The following TENM1 variants were observed in gnomAD, a reference collection of about 807,000 sequenced individuals.
TENM1 encodes the protein teneurin-1.
In TENM1, 35 loss-of-function variants were observed where a neutral mutation model predicts 174.8. The ratio of observed to expected loss-of-function variants is 0.20; its 90% CI spans 0.15 to 0.27. TENM1 has a LOEUF of 0.27. Ranked by LOEUF, TENM1 falls within the 10% of genes least tolerant of loss-of-function variation. The pLI is 1.00. For synonymous variants in TENM1, 781 were observed against 798.7 expected (o/e 0.98, Z 0.37); for missense variants, 1,633 against 2,130.1 (o/e 0.77, Z 4.59).
At chrX:124,988,247 G>A in the TENM1 span, among the ~76,000 whole-genome samples, 1 of 111,369 alleles carries the variant, frequency 9.0e-6, no homozygotes, top group South Asian at 3.7e-4. Flanking sequence ...AGAAATATCA[G>A]GAATGAAAAT....
intron 3 of TENM1, among the ~76,000 whole-genome samples, chrX:124,769,262 T>C (rs780256036): frequency 8.9e-6 from 1 of 111,879 alleles, no homozygotes; most frequent in Non-Finnish European, 1.9e-5. Context: ...TGAAGCTTTA[T>C]GCTTCTATGG....
At chrX:124,938,031 G>T (rs1184261879) in intron 1 of TENM1, among the ~76,000 whole-genome samples, 1 of 111,430 alleles carries the variant, frequency 9.0e-6, no homozygotes, top group Non-Finnish European at 1.9e-5. Context: ...AAAATACATT[G>T]TAATATAACT....
intron 5 of TENM1, among the ~76,000 whole-genome samples, chrX:124,685,778 C>T (rs894200898): frequency 1.8e-5 from 2 of 111,190 alleles, no homozygotes; most frequent in Admixed American, 9.5e-5. Flanking sequence ...AGGCTAGTCT[C>T]GAACTCCCAA....
chrX:124,717,565 C>T (rs73545969), intron 4 of TENM1, among the ~76,000 whole-genome samples: 4,733 of 111,524 alleles, frequency 0.042, 248 homozygotes, highest in African/African-American at 0.15. Context: ...TGAGACATCA[C>T]CTGGTCCCAG....
At chrX:124,833,043 G>A (rs6423139) in intron 3 of TENM1, among the ~76,000 whole-genome samples, 1,496 of 111,820 alleles carry the variant, frequency 0.013, 25 homozygotes, top group African/African-American at 0.046. Context: ...GCCAAAGGAA[G>A]GTTCAATGGA....
At chrX:125,186,601 A>T in the TENM1 span, among the ~76,000 whole-genome samples, 10 of 100,084 alleles carry the variant, frequency 1.0e-4, no homozygotes, top group African/African-American at 2.6e-4. Flanking sequence ...CCTGGCACAC[A>T]CTCTCTCTCT....
intron 3 of TENM1, among the ~76,000 whole-genome samples, chrX:124,886,560 G>T (rs1250654129): frequency 9.9e-6 from 1 of 100,582 alleles, no homozygotes; most frequent in Non-Finnish European, 2.0e-5. Flanking sequence ...GAGAGAGAGA[G>T]AGAGAGAGAG....
intron 27 of TENM1, among the ~76,000 whole-genome samples, chrX:124,401,826 C>T (rs755080470): frequency 4.0e-4 from 45 of 111,831 alleles, no homozygotes; most frequent in African/African-American, 1.2e-3. Context: ...AGTTAAGCAG[C>T]CTCCTTCCTC....
the TENM1 span, among the ~76,000 whole-genome samples, chrX:125,167,714 G>A: frequency 2.7e-5 from 3 of 111,103 alleles, no homozygotes; most frequent in African/African-American, 9.8e-5. Flanking sequence ...GTGTGTGTGT[G>A]TGATAGAGCT....
intron 11 of TENM1, among the ~76,000 whole-genome samples, chrX:124,572,363 A>T (rs1294156091): frequency 8.9e-6 from 1 of 111,817 alleles, no homozygotes; most frequent in Non-Finnish European, 1.9e-5. Flanking sequence ...TATATGTAGA[A>T]AGAGTACCAT....
the TENM1 span, among the ~76,000 whole-genome samples, chrX:125,177,632 GA>G: frequency 8.9e-6 from 1 of 112,021 alleles, no homozygotes; most frequent in Non-Finnish European, 1.9e-5. Flanking sequence ...GGAGGTCTGT[GA>G]AAAAGCTGGA....
At position 124,453,704 on chromosome X, in the gene TENM1, C is replaced by T. The variant is rs199663394; in HGVS notation, c.3950-213G>A. Among the ~76,000 whole-genome samples, 20 of 111,715 alleles carry T rather than the reference C, an allele frequency of 1.8e-4. 1 individual carries two copies. The highest frequency in any genetic ancestry group is 1.1e-3 in the East Asian group (4 of 3,583). On this transcript the variant is annotated intron_variant, in intron 22 of 31. Coordinates refer to ENST00000422452, the Ensembl canonical transcript of TENM1. Reference sequence around the variant, plus strand: ...AGAAGAAATGACAAAAAGTCACACGCGGAGATAAAGCCAGGTCTAATAATT... The same window carrying T: ...AGAAGAAATGACAAAAAGTCACACGTGGAGATAAAGCCAGGTCTAATAATT...
chrX:124,536,691 A>G (rs776003619), intron 15 of TENM1, among the ~76,000 whole-genome samples: 4 of 111,761 alleles, frequency 3.6e-5, no homozygotes, highest in Non-Finnish European at 7.5e-5. Context: ...CATTTTCAGG[A>G]CTGCGTAAGT....
intron 5 of TENM1, among the ~76,000 whole-genome samples, chrX:124,679,586 C>A (rs1602983871): frequency 8.9e-6 from 1 of 112,073 alleles, no homozygotes; most frequent in Non-Finnish European, 1.9e-5. Context: ...ACCAGGTTAT[C>A]TTCCCATCTT....
At chrX:125,184,197 T>C in the TENM1 span, among the ~76,000 whole-genome samples, 1 of 111,962 alleles carries the variant, frequency 8.9e-6, no homozygotes, top group South Asian at 3.7e-4. Flanking sequence ...GTCAGGCATT[T>C]TCCTCTCCAT....
intron 16 of TENM1, among the ~76,000 whole-genome samples, chrX:124,529,338 C>T (rs749782797): frequency 8.9e-6 from 1 of 111,876 alleles, no homozygotes; most frequent in East Asian, 2.8e-4. Flanking sequence ...AGAGAGCAGC[C>T]TGGTGGTTGG....
the TENM1 span, among the ~76,000 whole-genome samples, chrX:125,068,385 A>C: frequency 8.9e-6 from 1 of 112,064 alleles, no homozygotes; most frequent in Admixed American, 9.5e-5. Context: ...TGTCTAACAA[A>C]TGAAGTGAAT....
chrX:124,460,774 A>C (rs753277715), intron 22 of TENM1, among the ~76,000 whole-genome samples: 2 of 110,882 alleles, frequency 1.8e-5, no homozygotes, highest in Non-Finnish European at 3.8e-5. Flanking sequence ...GTTTAACACA[A>C]GTTTGTCTGA....
chrX:124,685,137 AAACAACAACAAC>A (rs3060647), intron 5 of TENM1, among the ~76,000 whole-genome samples: 17 of 106,107 alleles, frequency 1.6e-4, no homozygotes, highest in East Asian at 2.9e-4. Flanking sequence ...AGCAAAAAAC[AAACAACAACAAC>A]AACAACAACA....
Sources: gnomAD v4.1 joint callset for allele counts (sites outside exome capture counted in the v4.1 genomes callset) on GRCh38, gnomAD v4.1.1 for gene constraint, MANE v1.5 for transcripts, NCBI Gene and HGNC (gene_info 2026-07-23, HGNC 2026-07-21) for gene names.